Variants in DVL1 observed in about 807,000 individuals in gnomAD.
DVL1 encodes dishevelled segment polarity protein 1.
DVL1 carries 49 observed loss-of-function variants against 65.0 expected under a neutral mutation model. That is an observed-to-expected ratio of 0.75 (90% CI 0.60 to 0.96). The LOEUF (loss-of-function observed/expected upper bound fraction) is 0.96, where lower values mean the gene tolerates loss of function less well. Among genes scored for constraint, DVL1 ranks in the 40% least tolerant of loss-of-function variants. DVL1 has a pLI of 0.00. For missense variants in DVL1, 1,197 were observed against 1,045.4 expected (o/e 1.15, Z -2.00); for synonymous variants, 608 against 433.9 (o/e 1.40, Z -4.99).
At chr1:1,340,906 AAC>A (rs1205492959) in intron 5 of DVL1, among the ~76,000 whole-genome samples, 5 of 117,680 alleles carry the variant, frequency 4.2e-5, no homozygotes, top group African/African-American at 6.8e-5. Context: ...CGCACGCATG[AAC>A]ACACGCACAC....
chr1:1,341,305 T>C (rs1441332383), intron 5 of DVL1, among the ~76,000 whole-genome samples: 1 of 151,070 alleles, frequency 6.6e-6, no homozygotes, highest in African/African-American at 2.4e-5. Context: ...CACACATACA[T>C]GCACACACAG....
rs1346030471 is a variant in DVL1, at chr1:1,340,716, CAT to C, written c.606-215_606-214del. 5.3e-5 allele frequency among the ~76,000 whole-genome samples: 8 copies of C among 152,272 alleles called. No individual in the cohort carries two copies. In the East Asian group the frequency reaches 7.7e-4, roughly 15 times the overall value. ...GAGACAGGCAAACTGGGCACAGACA[CAT>C]GTAGCCAGATCCACTACTGACACAC... On this transcript the variant is annotated intron_variant, in intron 5 of 14. Coordinates refer to ENST00000378888, the MANE Select transcript of DVL1 (RefSeq NM_001330311.2).
rs768600525 is a variant in DVL1, at chr1:1,336,098, C to G, written c.*44G>C. ...ACGCGAGCTCTGCATGCGGCAGGAC[C>G]GCCAGCTCCCCACCTCAGGCAGGGC... On this transcript the variant is annotated 3_prime_UTR_variant, in exon 15 of 15. Transcript: ENST00000378888. 12 of 1,553,156 alleles carry G rather than the reference C, an allele frequency of 7.7e-6. No individual in the cohort carries two copies. Among genetic ancestry groups the G allele is most frequent in the Admixed American group, 1.9e-5 (1 of 53,826 alleles).
At chr1:1,342,580 C>G (rs922307280) in intron 2 of DVL1, 96 bp from the exon 3 acceptor site, 1 of 1,573,830 alleles carries the variant, frequency 6.4e-7, no homozygotes, top group African/African-American at 1.3e-5. Context: ...GCTGCCCTAT[C>G]CGCACCCAGC....
At chr1:1,343,450 G>A (rs1643877624) in intron 1 of DVL1, among the ~76,000 whole-genome samples, 1 of 151,770 alleles carries the variant, frequency 6.6e-6, no homozygotes, top group Non-Finnish European at 1.5e-5. Context: ...AACAGCCAGG[G>A]CATCAGGCCA....
At chr1:1,340,202 G>A in intron 7 of DVL1, 25 bp from the exon 8 acceptor site, 1 of 1,613,718 alleles carries the variant, frequency 6.2e-7, no homozygotes, top group South Asian at 1.1e-5. Context: ...ATGAGCCGCG[G>A]CCAAGCCCCT....
Position 1,336,585 on chromosome 1 carries a change from C to A in DVL1, c.1715-70G>T, listed in dbSNP as rs1051400196. ...CCCGGCCACGTCCAGAACAACCGCC[C>A]CCGCCAGGTGACCGGGCAGGAACGG... is the stretch of plus-strand genomic sequence containing the variant. On this transcript the variant is annotated intron_variant, in intron 14 of 14. Coordinates refer to ENST00000378888, the MANE Select transcript of DVL1 (RefSeq NM_001330311.2). 12 of 1,461,816 alleles carry A rather than the reference C, an allele frequency of 8.2e-6. No individual in the cohort carries two copies. The African/African-American group carries it at 1.6e-4, about 20-fold the overall frequency. 90.6% of individuals were successfully genotyped at this position (1,461,816 alleles called of 1,614,324 possible).
rs775640866 is a variant in DVL1, at chr1:1,339,798, G to A, written c.924C>T (p.Asn308=). 11 of 1,611,116 alleles carry A rather than the reference G, an allele frequency of 6.8e-6. No individual in the cohort carries two copies. In the East Asian group the frequency reaches 2.2e-4, roughly 33 times the overall value. ...CATCGTCATTGCTCATGTTCTCAAA[G>A]TTCACGTCATTCACCTGCAGGGGTG... The part of the protein sequence containing the change: ...GDMLLQVNDV[N]FENMSNDDAV... Residue 308 remains asparagine (N), a synonymous_variant, in exon 9 of 15, where the codon AAC becomes AAT. Coordinates refer to ENST00000378888, the MANE Select transcript of DVL1 (RefSeq NM_001330311.2).
At chr1:1,342,858 G>A (rs962400730) in intron 1 of DVL1, 100 bp from the exon 2 acceptor site, 63 of 1,101,800 alleles carry the variant, frequency 5.7e-5, no homozygotes, top group Non-Finnish European at 7.3e-5. Context: ...CCCACACAAT[G>A]TCACTCTGTG....
In DVL1 at chr1:1,338,438, T is replaced by C. The variant is rs1287732816; in HGVS notation, c.1340-2A>G. 6.2e-7 allele frequency: 1 copy of C among 1,609,514 alleles called. No individual in the cohort carries two copies. Among genetic ancestry groups the C allele is most frequent in the Non-Finnish European group, 8.5e-7 (1 of 1,177,520 alleles). On this transcript the variant is annotated splice_acceptor_variant, in intron 12 of 14. Transcript: ENST00000378888. LOFTEE classifies it high-confidence loss of function. ...ACAGCCAGTCCACCACGTCCGCCCC[T>C]GGCCGGCACCAGCGGTCAGCCCGCA...
chr1:1,347,236 C>G lies in DVL1; in HGVS notation c.170+1660G>C, dbSNP rs560990362. Among the ~76,000 whole-genome samples the G allele has an allele frequency of 2.0e-5, 3 of 152,274 alleles. No homozygotes were observed. The South Asian group carries it at 6.2e-4, about 32-fold the overall frequency. On this transcript the variant is annotated intron_variant, in intron 1 of 14. Coordinates refer to ENST00000378888, the MANE Select transcript of DVL1 (RefSeq NM_001330311.2). ...CCTCTGCAGCCCCACTGACTCCCAG[C>G]CCCCTGTAAGTCTGCAGCCTCCAAA...
At chr1:1,339,140 G>C in intron 11 of DVL1, 147 bp downstream of exon 11, 1 of 1,125,788 alleles carries the variant, frequency 8.9e-7, no homozygotes, top group Non-Finnish European at 1.3e-6. Context: ...ACGGGTGCCT[G>C]TGCACACGTC....
chr1:1,339,767 G>T lies in DVL1; in HGVS notation c.955C>A (p.Arg319=). Residue 319 remains arginine, a synonymous_variant, in exon 9 of 15, where the codon CGG becomes AGG. Transcript: ENST00000378888. ...FENMSNDDAV[R]VLREIVSQTG... is the part of the protein sequence containing the mutation. ...TGGGAAACGATCTCCCGCAGCACCC[G>T]CACGGCATCGTCATTGCTCATGTTC... 6.2e-7 allele frequency: 1 copy of T among 1,612,602 alleles called. No individual in the cohort carries two copies. Among genetic ancestry groups the T allele is most frequent in the Non-Finnish European group, 8.5e-7 (1 of 1,179,858 alleles).
chr1:1,348,885 G>A lies in DVL1; in HGVS notation c.170+11C>T, dbSNP rs1347175123. On this transcript the variant is annotated intron_variant, in intron 1 of 14. Coordinates refer to ENST00000378888, the MANE Select transcript of DVL1 (RefSeq NM_001330311.2). Reference sequence around the variant, plus strand: ...CGCGCCAGGCTCGCGCAGGCCTCGCGGCCGACTGACCCGAAGTCCTGGTCC... The same window carrying A: ...CGCGCCAGGCTCGCGCAGGCCTCGCAGCCGACTGACCCGAAGTCCTGGTCC... 2.6e-6 allele frequency: 4 copies of A among 1,531,104 alleles called. No homozygotes were observed. The highest frequency in any genetic ancestry group is 5.5e-5 in the East Asian group (2 of 36,380). The allele number at this position is 1,531,104 out of a possible 1,614,324, so 94.8% of individuals were successfully genotyped here.
At chr1:1,339,209 G>A in intron 11 of DVL1, 78 bp downstream of exon 11, 1 of 1,520,596 alleles carries the variant, frequency 6.6e-7, no homozygotes, top group East Asian at 2.5e-5. Flanking sequence ...ACGGCCACAG[G>A]CGGCCATGCT....
At chr1:1,343,037 C>T (rs1463859290) in intron 1 of DVL1, among the ~76,000 whole-genome samples, 1 of 152,172 alleles carries the variant, frequency 6.6e-6, no homozygotes, top group African/African-American at 2.4e-5. Flanking sequence ...CCCCCACCCC[C>T]CCAGCATGGG....
At chr1:1,347,814 C>T (rs1643941188) in intron 1 of DVL1, among the ~76,000 whole-genome samples, 1 of 152,146 alleles carries the variant, frequency 6.6e-6, no homozygotes, top group African/African-American at 2.4e-5. Context: ...GCCCAGCCTT[C>T]AAAGGCTGCC....
chr1:1,339,182 C>T (rs902895483), intron 11 of DVL1, 105 bp downstream of exon 11: 1 of 1,438,896 alleles, frequency 6.9e-7, no homozygotes, highest in Non-Finnish European at 9.4e-7. Context: ...GCAACACACA[C>T]GTGTCACAGC....
In DVL1 at chr1:1,335,498, T is replaced by C. The variant is rs1278197181; in HGVS notation, c.*644A>G. The C allele has an allele frequency of 4.5e-5, 7 of 153,948 alleles. No individual in the cohort carries two copies. The highest frequency in any genetic ancestry group is 1.4e-4 in the African/African-American group (6 of 41,444). The allele number at this position is 153,948 out of a possible 1,614,324, so 9.5% of individuals were successfully genotyped here. A position where few individuals can be genotyped will look rare whatever the true frequency, so the allele number is the denominator to read the frequency against. ...CATCTCCCCAAGACCTCCCTCCCTGTGGCAGCTGTGCACATCGGGGCCCCT... is the reference window on the plus strand; with the variant it reads ...CATCTCCCCAAGACCTCCCTCCCTGCGGCAGCTGTGCACATCGGGGCCCCT... On this transcript the variant is annotated 3_prime_UTR_variant, in exon 15 of 15. Coordinates refer to ENST00000378888, the MANE Select transcript of DVL1 (RefSeq NM_001330311.2).
Sources: allele counts gnomAD v4.1 joint callset (sites outside exome capture counted in the v4.1 genomes callset), GRCh38; gene constraint gnomAD v4.1.1; transcripts MANE v1.5; gene names NCBI Gene and HGNC (gene_info 2026-07-23, HGNC 2026-07-21).